The following CADM1 variants were observed in gnomAD, a reference collection of about 807,000 sequenced individuals.
CADM1 encodes TSLC-1.
A neutral mutation model predicts 53.1 loss-of-function variants in CADM1; 15 were observed. That is an observed-to-expected ratio of 0.28 (90% CI 0.19 to 0.44). The LOEUF is 0.44. Ranked by LOEUF, CADM1 falls within the 20% of genes least tolerant of loss-of-function variation. CADM1 has a pLI of 1.00. For missense variants in CADM1, 434 were observed against 611.3 expected (o/e 0.71, Z 3.06); for synonymous variants, 281 against 243.0 (o/e 1.16, Z -1.45).
intron 8 of CADM1, among the ~76,000 whole-genome samples, chr11:115,204,708 T>C (rs375679077): frequency 1.6e-4 from 24 of 152,326 alleles, no homozygotes; most frequent in African/African-American, 5.5e-4. Context: ...TGTGTTCTGG[T>C]GTCAAGTTTC....
chr11:115,496,521 G>A (rs1208426091), intron 1 of CADM1, among the ~76,000 whole-genome samples: 1 of 152,158 alleles, frequency 6.6e-6, no homozygotes. Flanking sequence ...GGGAGTGGGA[G>A]AGCAATTGAG....
At chr11:115,229,314 T>C (rs1185424973) in intron 4 of CADM1, 43 bp from the exon 5 acceptor site, 1 of 1,602,016 alleles carries the variant, frequency 6.2e-7, no homozygotes, top group Admixed American at 1.7e-5. Context: ...GTTGGGTGAA[T>C]TTCCATCAGT....
chr11:115,229,988 G>A (rs888998396), intron 4 of CADM1, among the ~76,000 whole-genome samples: 1 of 152,140 alleles, frequency 6.6e-6, no homozygotes, highest in Non-Finnish European at 1.5e-5. Flanking sequence ...GAATGAATAG[G>A]CCAAGGCAGT....
intron 1 of CADM1, among the ~76,000 whole-genome samples, chr11:115,283,843 G>T (rs559719883): frequency 6.6e-6 from 1 of 152,296 alleles, no homozygotes; most frequent in Non-Finnish European, 1.5e-5. Context: ...GCCTGGCCTT[G>T]CTTACAAGTC....
intron 1 of CADM1, among the ~76,000 whole-genome samples, chr11:115,499,594 C>T (rs562817375): frequency 4.6e-5 from 7 of 152,374 alleles, no homozygotes; most frequent in African/African-American, 1.7e-4. Context: ...TCTGACCAGG[C>T]ATCCTTGCCA....
intron 1 of CADM1, among the ~76,000 whole-genome samples, chr11:115,281,658 T>TA (rs947291813): frequency 5.3e-5 from 8 of 151,744 alleles, no homozygotes; most frequent in Non-Finnish European, 1.0e-4. Context: ...ATGAGTCTGC[T>TA]AAAAAAAAGA....
chr11:115,359,535 T>C (rs1265276378), intron 1 of CADM1, among the ~76,000 whole-genome samples: 2 of 152,072 alleles, frequency 1.3e-5, no homozygotes, highest in Admixed American at 1.3e-4. Flanking sequence ...CTTAGAGAAA[T>C]GGGTCCCACC....
chr11:115,463,988 T>G (rs1216396533), intron 1 of CADM1, among the ~76,000 whole-genome samples: 1 of 152,138 alleles, frequency 6.6e-6, no homozygotes, highest in Non-Finnish European at 1.5e-5. Context: ...TGCTATATTA[T>G]CCCATAGGCC....
chr11:115,479,340 T>C (rs1417840338), intron 1 of CADM1, among the ~76,000 whole-genome samples: 1 of 152,142 alleles, frequency 6.6e-6, no homozygotes, highest in African/African-American at 2.4e-5. Flanking sequence ...ATGATTCAAA[T>C]ACTTTTAAAT....
chr11:115,267,678 CTTTTTTTT>C (rs56712105), intron 1 of CADM1, among the ~76,000 whole-genome samples: 28,208 of 131,288 alleles, frequency 0.21, 4,202 homozygotes, highest in East Asian at 0.66. Flanking sequence ...AAATTGCTTT[CTTTTTTTT>C]TTTTTTTTTT....
chr11:115,391,683 C>T (rs190654846), intron 1 of CADM1, among the ~76,000 whole-genome samples: 1 of 152,198 alleles, frequency 6.6e-6, no homozygotes, highest in East Asian at 1.9e-4. Context: ...TATTTCTCAC[C>T]AGGTGGTGAA....
chr11:115,347,053 AAC>A (rs1945598319), intron 1 of CADM1, among the ~76,000 whole-genome samples: 1 of 152,216 alleles, frequency 6.6e-6, no homozygotes, highest in African/African-American at 2.4e-5. Context: ...CTCTCAATGC[AAC>A]ACCAGTAAAC....
At chr11:115,317,990 AC>A in intron 1 of CADM1, among the ~76,000 whole-genome samples, 1 of 110,552 alleles carries the variant, frequency 9.0e-6, no homozygotes, top group East Asian at 2.3e-4. Flanking sequence ...CACTACACAC[AC>A]ACACACACAC....
intron 1 of CADM1, among the ~76,000 whole-genome samples, chr11:115,438,755 G>A (rs1418504309): frequency 1.3e-5 from 2 of 152,114 alleles, no homozygotes; most frequent in South Asian, 2.1e-4. Flanking sequence ...TGCTTTAGTT[G>A]GATATTGATT....
At position 115,326,076 on chromosome 11, in the gene CADM1, T is replaced by A. The variant is rs143717227; in HGVS notation, c.125-85656A>T. Among the ~76,000 whole-genome samples, 714 of 152,266 alleles carry A rather than the reference T, an allele frequency of 4.7e-3. 8 individuals carry two copies. Among genetic ancestry groups the A allele is most frequent in the African/African-American group, 0.016 (662 of 41,564 alleles). On this transcript the variant is annotated intron_variant, in intron 1 of 11. Transcript: ENST00000331581. ...AAATTAAATACTATGCACAAGTCAATACCTTCTGCACACAAAACTACATTA... is the reference window on the plus strand; with the variant it reads ...AAATTAAATACTATGCACAAGTCAAAACCTTCTGCACACAAAACTACATTA...
At chr11:115,265,313 T>C (rs1315937715) in intron 1 of CADM1, among the ~76,000 whole-genome samples, 1 of 152,186 alleles carries the variant, frequency 6.6e-6, no homozygotes. Flanking sequence ...CTGGGTGTTG[T>C]GTTCATGGTG....
intron 1 of CADM1, among the ~76,000 whole-genome samples, chr11:115,328,983 T>C (rs998794029): frequency 5.3e-5 from 8 of 151,488 alleles, no homozygotes; most frequent in African/African-American, 1.9e-4. Context: ...TAGTTATTTT[T>C]ATAACTTTAA....
chr11:115,472,636 C>T (rs1591281004), intron 1 of CADM1, among the ~76,000 whole-genome samples: 1 of 152,342 alleles, frequency 6.6e-6, no homozygotes, highest in East Asian at 1.9e-4. Flanking sequence ...TAGTGTCACT[C>T]TGTAACCTCT....
chr11:115,384,132 T>C (rs563933426), intron 1 of CADM1, among the ~76,000 whole-genome samples: 1 of 152,320 alleles, frequency 6.6e-6, no homozygotes, highest in South Asian at 2.1e-4. Flanking sequence ...TCCGAGGTAC[T>C]GCCTTTAAAA....
Sources: gnomAD v4.1 joint callset for allele counts (sites outside exome capture counted in the v4.1 genomes callset) on GRCh38, gnomAD v4.1.1 for gene constraint, MANE v1.5 for transcripts, NCBI Gene and HGNC (gene_info 2026-07-23, HGNC 2026-07-21) for gene names.